Variants in SNX24 observed in about 807,000 individuals in gnomAD.
SNX24 encodes sorting nexin 24.
Under a neutral mutation model 28.7 loss-of-function variants are expected in SNX24, and 22 were observed. The ratio of observed to expected loss-of-function variants is 0.77; its 90% CI spans 0.55 to 1.10. The LOEUF (loss-of-function observed/expected upper bound fraction) is 1.10. Among genes scored for constraint, SNX24 ranks in the 50% least tolerant of loss-of-function variants. The pLI is 0.00. For missense variants in SNX24, 221 were observed against 201.1 expected (o/e 1.10, Z -0.60); for synonymous variants, 69 against 71.5 (o/e 0.96, Z 0.18).
At chr5:122,847,096 A>G (rs993957162) in intron 1 of SNX24, among the ~76,000 whole-genome samples, 4 of 151,986 alleles carry the variant, frequency 2.6e-5, no homozygotes, top group Non-Finnish European at 5.9e-5. Flanking sequence ...TGGGACATTC[A>G]TTTAGGATCT....
chr5:122,972,011 C>G (rs1760980683), intron 3 of SNX24, among the ~76,000 whole-genome samples: 2 of 152,196 alleles, frequency 1.3e-5, no homozygotes, highest in Non-Finnish European at 2.9e-5. Flanking sequence ...TAAGAACCAT[C>G]CAAAAGGATC....
intron 3 of SNX24, among the ~76,000 whole-genome samples, chr5:122,994,290 T>C (rs1039220932): frequency 6.6e-6 from 1 of 152,192 alleles, no homozygotes; most frequent in African/African-American, 2.4e-5. Context: ...CTCGCCTTAG[T>C]GACAATTTTC....
At chr5:122,925,446 G>T (rs1758654280) in intron 1 of SNX24, among the ~76,000 whole-genome samples, 1 of 151,458 alleles carries the variant, frequency 6.6e-6, no homozygotes, top group South Asian at 2.1e-4. Flanking sequence ...ATTATTATTT[G>T]TAGAAATGAG....
At chr5:123,002,253 T>C (rs761980700) in intron 6 of SNX24, 43 of 512,304 alleles carry the variant, frequency 8.4e-5, no homozygotes, top group Non-Finnish European at 1.3e-4. Flanking sequence ...GAATGGTATT[T>C]ATGGTCCTTA....
At chr5:122,932,858 C>CAAAAAAA (rs57930558) in intron 1 of SNX24, among the ~76,000 whole-genome samples, 1 of 88,016 alleles carries the variant, frequency 1.1e-5, no homozygotes, top group Non-Finnish European at 2.2e-5. Flanking sequence ...GACTCTGTCT[C>CAAAAAAA]AAAAAAAAAA....
intron 1 of SNX24, among the ~76,000 whole-genome samples, chr5:122,901,017 A>C (rs1217775096): frequency 6.6e-6 from 1 of 152,038 alleles, no homozygotes; most frequent in Non-Finnish European, 1.5e-5. Flanking sequence ...CCTGGCCAAC[A>C]TGGTGAAACC....
At chr5:122,973,149 A>G (rs1416975393) in intron 3 of SNX24, among the ~76,000 whole-genome samples, 1 of 152,202 alleles carries the variant, frequency 6.6e-6, no homozygotes, top group African/African-American at 2.4e-5. Context: ...GGTTTTGACC[A>G]CTCAGAGGGG....
intron 1 of SNX24, among the ~76,000 whole-genome samples, chr5:122,882,288 G>T (rs895004167): frequency 6.6e-6 from 1 of 152,118 alleles, no homozygotes; most frequent in African/African-American, 2.4e-5. Flanking sequence ...GCCAACTGTG[G>T]CTGAATTTAG....
chr5:122,913,883 G>T (rs1048255175), intron 1 of SNX24, among the ~76,000 whole-genome samples: 2 of 152,212 alleles, frequency 1.3e-5, no homozygotes, highest in Non-Finnish European at 2.9e-5. Context: ...CGAGGCTGGC[G>T]GATCACTCGC....
At chr5:122,979,504 G>T (rs1274995623) in intron 3 of SNX24, among the ~76,000 whole-genome samples, 1 of 152,040 alleles carries the variant, frequency 6.6e-6, no homozygotes, top group Non-Finnish European at 1.5e-5. Flanking sequence ...AAAAAATTTT[G>T]TTTGGAAACC....
At chr5:123,009,868 G>A (rs1264080563), downstream of SNX24, among the ~76,000 whole-genome samples, 2 of 152,248 alleles carry the variant, frequency 1.3e-5, no homozygotes, top group Non-Finnish European at 2.9e-5. Context: ...AGCCTGTGCT[G>A]TAAGCAGGAA....
At chr5:122,872,490 C>T (rs1394213874) in intron 1 of SNX24, among the ~76,000 whole-genome samples, 6 of 151,762 alleles carry the variant, frequency 4.0e-5, no homozygotes, top group Admixed American at 1.3e-4. Context: ...CCTCAGTATC[C>T]GTGGGGGATT....
chr5:123,007,917 C>T lies in SNX24; in HGVS notation c.*168C>T. On this transcript the variant is annotated 3_prime_UTR_variant, in exon 7 of 7. Transcript: ENST00000261369. ...CAGGGACATTTCCATTAGAATGGTG[C>T]TCTTAAAAATAGAAACTGAACCGGG... 1 of 1,418,884 alleles carries T rather than the reference C, an allele frequency of 7.0e-7. No homozygotes were observed. Among genetic ancestry groups the T allele is most frequent in the East Asian group, 2.7e-5 (1 of 36,626 alleles). 87.9% of individuals were successfully genotyped at this position (1,418,884 alleles called of 1,614,324 possible).
At chr5:122,982,310 C>T (rs1233241946) in intron 3 of SNX24, among the ~76,000 whole-genome samples, 1 of 152,150 alleles carries the variant, frequency 6.6e-6, no homozygotes, top group Non-Finnish European at 1.5e-5. Flanking sequence ...TCTTTGAACA[C>T]ATGTTTAATC....
intron 1 of SNX24, among the ~76,000 whole-genome samples, chr5:122,851,465 AC>A (rs34387149): frequency 0.025 from 3,797 of 152,238 alleles, 61 homozygotes; most frequent in Non-Finnish European, 0.037. Context: ...CCACACCCAG[AC>A]TTAGACTTCA....
At position 122,877,645 on chromosome 5, in the gene SNX24, G is replaced by A. The variant is rs777446508; in HGVS notation, c.60+31952G>A. ...CCCACTCCCCAGCTTCAGGAGGACC[G>A]GGGTGCCCATGCTCTGTGTCTCATG... On this transcript the variant is annotated intron_variant, in intron 1 of 6. Transcript: ENST00000261369. Among the ~76,000 whole-genome samples, 7 of 152,292 alleles carry A rather than the reference G, an allele frequency of 4.6e-5. No individual in the cohort carries two copies. The East Asian group carries it at 1.2e-3, about 25-fold the overall frequency.
chr5:122,958,127 CTT>C (rs1232336998), intron 3 of SNX24, among the ~76,000 whole-genome samples: 5 of 152,026 alleles, frequency 3.3e-5, no homozygotes, highest in African/African-American at 1.2e-4. Context: ...AGCTTTCAGT[CTT>C]TCACTGTTAA....
At chr5:122,851,292 G>A (rs550961764) in intron 1 of SNX24, among the ~76,000 whole-genome samples, 161 of 152,050 alleles carry the variant, frequency 1.1e-3, no homozygotes, top group African/African-American at 3.8e-3. Context: ...AGCCTCCCAA[G>A]TAGCTGGGCC....
At chr5:122,952,535 C>T (rs937551479) in intron 3 of SNX24, among the ~76,000 whole-genome samples, 8 of 152,146 alleles carry the variant, frequency 5.3e-5, no homozygotes, top group Admixed American at 2.0e-4. Context: ...TGCTGACATA[C>T]TAGCAAAGGA....
Sources: allele counts gnomAD v4.1 joint callset (sites outside exome capture counted in the v4.1 genomes callset), GRCh38; gene constraint gnomAD v4.1.1; transcripts MANE v1.5; gene names NCBI Gene and HGNC (gene_info 2026-07-23, HGNC 2026-07-21).